The following BNC2 variants were observed in gnomAD, a reference collection of about 807,000 sequenced individuals.
BNC2 encodes zinc finger protein basonuclin-2.
Under a neutral mutation model 76.3 loss-of-function variants are expected in BNC2, and 20 were observed. The observed-to-expected ratio is 0.26, with a 90% CI of 0.18 to 0.38. The LOEUF (loss-of-function observed/expected upper bound fraction) is 0.38, where lower values mean the gene tolerates loss of function less well. Among genes scored for constraint, BNC2 ranks in the 10% least tolerant of loss-of-function variants. The probability of loss-of-function intolerance (pLI) is 1.00; values close to 1 mark genes in which losing one functional copy is unlikely to be tolerated. For synonymous variants in BNC2, 582 were observed against 514.8 expected (o/e 1.13, Z -1.77); for missense variants, 1,382 against 1,399.8 (o/e 0.99, Z 0.20).
chr9:16,628,544 A>G (rs1289479979), intron 3 of BNC2, among the ~76,000 whole-genome samples: 2 of 152,122 alleles, frequency 1.3e-5, no homozygotes, highest in Non-Finnish European at 2.9e-5. Context: ...TAAATAAGTG[A>G]GGTGGGAAAC....
chr9:16,449,138 G>A (rs940643246), intron 5 of BNC2, among the ~76,000 whole-genome samples: 9 of 152,090 alleles, frequency 5.9e-5, no homozygotes, highest in African/African-American at 1.9e-4. Context: ...AGGAGAAAGC[G>A]TACATTATAG....
At chr9:16,700,222 T>C (rs2134557038) in intron 3 of BNC2, among the ~76,000 whole-genome samples, 1 of 152,312 alleles carries the variant, frequency 6.6e-6, no homozygotes. Flanking sequence ...TTCATTGCTA[T>C]GGATGAAACA....
At position 16,417,949 on chromosome 9, in the gene BNC2, T is replaced by C. The variant is rs1245099452; in HGVS notation, c.*1040A>G. 1 of 152,694 alleles carries C rather than the reference T, an allele frequency of 6.5e-6. No individual in the cohort carries two copies. Among genetic ancestry groups the C allele is most frequent in the Non-Finnish European group, 1.5e-5 (1 of 68,048 alleles). 9.5% of individuals were successfully genotyped at this position (152,694 alleles called of 1,614,324 possible). A position where few individuals can be genotyped will look rare whatever the true frequency, so the allele number is the denominator to read the frequency against. On this transcript the variant is annotated 3_prime_UTR_variant, in exon 7 of 7. Transcript: ENST00000380672. ...TGGCCAACAAATTGGCCTGTGGTTA[T>C]GTTGAGTGACTAATTGTATTTTCTT...
chr9:16,525,079 G>C (rs534399469), intron 5 of BNC2, among the ~76,000 whole-genome samples: 40 of 147,640 alleles, frequency 2.7e-4, no homozygotes, highest in African/African-American at 6.6e-4. Flanking sequence ...GTGGGGGAGG[G>C]GGGGGGAAGG....
chr9:16,635,092 C>T (rs1393037359), intron 3 of BNC2, among the ~76,000 whole-genome samples: 1 of 152,172 alleles, frequency 6.6e-6, no homozygotes, highest in Non-Finnish European at 1.5e-5. Flanking sequence ...GTATCTTTTG[C>T]AGTTTCTCTT....
chr9:16,463,553 C>T (rs1821635651), intron 5 of BNC2, among the ~76,000 whole-genome samples: 1 of 143,648 alleles, frequency 7.0e-6, no homozygotes, highest in South Asian at 2.1e-4. Context: ...GCCTCGGCCT[C>T]CCAAAGTGCT....
intron 1 of BNC2, among the ~76,000 whole-genome samples, chr9:16,844,817 T>C (rs1271313524): frequency 6.6e-6 from 1 of 152,104 alleles, no homozygotes; most frequent in Non-Finnish European, 1.5e-5. Context: ...TTTATATCAA[T>C]AACTATCCAG....
chr9:16,493,877 G>A (rs1189271583), intron 5 of BNC2, among the ~76,000 whole-genome samples: 1 of 152,144 alleles, frequency 6.6e-6, no homozygotes, highest in Non-Finnish European at 1.5e-5. Context: ...AGCATGGCGT[G>A]TTTAGAGAGA....
intron 3 of BNC2, among the ~76,000 whole-genome samples, chr9:16,696,727 A>C (rs1823349928): frequency 6.6e-6 from 1 of 152,224 alleles, no homozygotes; most frequent in Admixed American, 6.5e-5. Flanking sequence ...CAGTGACACA[A>C]TGTTACAAAT....
intron 6 of BNC2, chr9:16,429,866 T>A: frequency 2.1e-6 from 1 of 472,386 alleles, no homozygotes. Flanking sequence ...CAGCAGAGGC[T>A]TAAACGAGCT....
At chr9:16,848,311 G>A (rs1464521893) in intron 1 of BNC2, among the ~76,000 whole-genome samples, 3 of 152,202 alleles carry the variant, frequency 2.0e-5, no homozygotes, top group African/African-American at 7.2e-5. Flanking sequence ...GTCAGGTGTA[G>A]TGAAGAGGAG....
intron 1 of BNC2, among the ~76,000 whole-genome samples, chr9:16,817,078 T>C (rs899542377): frequency 6.6e-6 from 1 of 152,186 alleles, no homozygotes; most frequent in Non-Finnish European, 1.5e-5. Flanking sequence ...CTTTTCCATC[T>C]AAAATATCAA....
intron 1 of BNC2, among the ~76,000 whole-genome samples, chr9:16,777,417 G>A (rs566113331): frequency 6.1e-4 from 92 of 151,998 alleles, no homozygotes; most frequent in Middle Eastern, 3.4e-3. Flanking sequence ...AGAACTGTTA[G>A]GGGCTGGACA....
chr9:16,655,965 G>C (rs190922811), intron 3 of BNC2, among the ~76,000 whole-genome samples: 8 of 152,280 alleles, frequency 5.3e-5, no homozygotes. Context: ...GCCACGCATT[G>C]TAAGTACTTC....
intron 3 of BNC2, among the ~76,000 whole-genome samples, chr9:16,587,308 G>T (rs1819800464): frequency 6.6e-6 from 1 of 151,050 alleles, no homozygotes; most frequent in Admixed American, 6.6e-5. Flanking sequence ...CAACCTTTCA[G>T]GTTCAAGCAA....
At chr9:16,560,498 A>C (rs1041842665) in intron 4 of BNC2, among the ~76,000 whole-genome samples, 8 of 152,100 alleles carry the variant, frequency 5.3e-5, no homozygotes, top group Admixed American at 5.2e-4. Flanking sequence ...GATCACTTGA[A>C]GATAGGAATT....
intron 1 of BNC2, among the ~76,000 whole-genome samples, chr9:16,764,542 T>C (rs1348297883): frequency 1.3e-5 from 2 of 152,212 alleles, no homozygotes; most frequent in Non-Finnish European, 2.9e-5. Flanking sequence ...TAAATTGTAT[T>C]GGTTAATAAT....
At chr9:16,782,726 T>C (rs1285288010) in intron 1 of BNC2, among the ~76,000 whole-genome samples, 2 of 152,228 alleles carry the variant, frequency 1.3e-5, no homozygotes, top group African/African-American at 2.4e-5. Context: ...GTACTGTGGT[T>C]GCCTGGTTTC....
At chr9:16,766,647 G>T (rs1391077129) in intron 1 of BNC2, among the ~76,000 whole-genome samples, 8 of 152,102 alleles carry the variant, frequency 5.3e-5, no homozygotes, top group Non-Finnish European at 4.4e-5. Flanking sequence ...CTCATACCTT[G>T]GTCTTTACTT....
Sources: allele counts gnomAD v4.1 joint callset (sites outside exome capture counted in the v4.1 genomes callset), GRCh38; gene constraint gnomAD v4.1.1; transcripts MANE v1.5; gene names NCBI Gene and HGNC (gene_info 2026-07-23, HGNC 2026-07-21).